The following COL19A1 variants were observed in gnomAD, a reference collection of about 807,000 sequenced individuals.
COL19A1 encodes collagen type XIX alpha 1 chain, also known as collagen alpha-1(XIX) chain.
A neutral mutation model predicts 190.2 loss-of-function variants in COL19A1; 159 were observed. That is an observed-to-expected ratio of 0.84 (90% CI 0.73 to 0.95). The LOEUF (loss-of-function observed/expected upper bound fraction) is 0.95, where lower values mean the gene tolerates loss of function less well. COL19A1 is among the 40% of genes least tolerant of loss of function. The pLI, the probability that COL19A1 is intolerant of heterozygous loss-of-function variation, is 0.00. For missense variants in COL19A1, 1,418 were observed against 1,431.9 expected (o/e 0.99, Z 0.16); for synonymous variants, 509 against 458.9 (o/e 1.11, Z -1.39).
chr6:70,160,169 G>A (rs1787705424), intron 34 of COL19A1, among the ~76,000 whole-genome samples: 1 of 151,974 alleles, frequency 6.6e-6, no homozygotes, highest in Non-Finnish European at 1.5e-5. Context: ...AGGTTTAATT[G>A]ACCCACAGCT....
intron 9 of COL19A1, among the ~76,000 whole-genome samples, chr6:69,957,404 A>G (rs1582520567): frequency 6.6e-6 from 1 of 152,156 alleles, no homozygotes; most frequent in Non-Finnish European, 1.5e-5. Flanking sequence ...AAGACATGCT[A>G]TGTGTTATAG....
At chr6:69,872,637 A>C (rs1343862772) in intron 1 of COL19A1, among the ~76,000 whole-genome samples, 2 of 152,240 alleles carry the variant, frequency 1.3e-5, no homozygotes, top group East Asian at 3.8e-4. Context: ...ACCCAAAATT[A>C]TTCCATATGG....
chr6:70,046,291 T>C (rs1779912078), intron 14 of COL19A1, among the ~76,000 whole-genome samples: 1 of 152,198 alleles, frequency 6.6e-6, no homozygotes, highest in South Asian at 2.1e-4. Context: ...CTCCCCTTGC[T>C]CTTCTTGCGT....
At chr6:69,979,139 A>G (rs1775895882) in intron 11 of COL19A1, among the ~76,000 whole-genome samples, 1 of 152,006 alleles carries the variant, frequency 6.6e-6, no homozygotes, top group African/African-American at 2.4e-5. Flanking sequence ...GCAGGGTTTT[A>G]TGTAGCCAGT....
chr6:69,967,613 T>G (rs556463957), intron 11 of COL19A1, among the ~76,000 whole-genome samples: 13 of 152,338 alleles, frequency 8.5e-5, no homozygotes, highest in African/African-American at 2.6e-4. Flanking sequence ...TTAAAACCAT[T>G]GTTGGAAAAC....
At chr6:70,199,960 T>C in intron 49 of COL19A1, 1 of 439,178 alleles carries the variant, frequency 2.3e-6, no homozygotes, top group South Asian at 2.3e-5. Flanking sequence ...TAAAACCAAA[T>C]GAGAGTTACC....
intron 15 of COL19A1, among the ~76,000 whole-genome samples, chr6:70,081,435 T>C (rs971083781): frequency 7.9e-5 from 12 of 152,172 alleles, no homozygotes; most frequent in Non-Finnish European, 1.2e-4. Flanking sequence ...TATAAAACTT[T>C]CTCAGATTTT....
chr6:70,178,072 A>C (rs1765926514), intron 42 of COL19A1, among the ~76,000 whole-genome samples: 1 of 152,250 alleles, frequency 6.6e-6, no homozygotes, highest in African/African-American at 2.4e-5. Flanking sequence ...CTAAAAAAGC[A>C]GTTTTCATAT....
chr6:70,080,859 C>T (rs1349923922), intron 15 of COL19A1, among the ~76,000 whole-genome samples: 1 of 152,140 alleles, frequency 6.6e-6, no homozygotes, highest in African/African-American at 2.4e-5. Flanking sequence ...TATGGTGATA[C>T]ATTTTTGTAT....
intron 15 of COL19A1, among the ~76,000 whole-genome samples, chr6:70,086,886 G>A (rs1374874448): frequency 6.6e-6 from 1 of 152,162 alleles, no homozygotes; most frequent in Non-Finnish European, 1.5e-5. Flanking sequence ...TATTTATTGA[G>A]CACCTATTGT....
chr6:70,089,501 A>T (rs1259137799), intron 15 of COL19A1, among the ~76,000 whole-genome samples: 2 of 152,200 alleles, frequency 1.3e-5, no homozygotes, highest in African/African-American at 4.8e-5. Context: ...TCTGTGGATG[A>T]GTTTAAACAT....
intron 11 of COL19A1, among the ~76,000 whole-genome samples, chr6:69,991,519 T>G (rs187004599): frequency 8.5e-5 from 13 of 152,256 alleles, no homozygotes; most frequent in African/African-American, 2.9e-4. Flanking sequence ...GTATAAACAT[T>G]TCCTTTTATC....
chr6:69,943,626 T>C (rs1373857166), intron 9 of COL19A1, among the ~76,000 whole-genome samples: 1 of 152,094 alleles, frequency 6.6e-6, no homozygotes, highest in Non-Finnish European at 1.5e-5. Context: ...TTGAATATAG[T>C]TTTTCCAACA....
intron 17 of COL19A1, among the ~76,000 whole-genome samples, chr6:70,124,893 C>T: frequency 6.6e-6 from 1 of 152,094 alleles, no homozygotes. Flanking sequence ...TAGTTAGAGC[C>T]CTTACACCAA....
chr6:69,973,265 C>T (rs953959108), intron 11 of COL19A1, among the ~76,000 whole-genome samples: 1 of 152,090 alleles, frequency 6.6e-6, no homozygotes, highest in African/African-American at 2.4e-5. Context: ...TTTGGTCTTC[C>T]CTTTCTCCTT....
At chr6:70,023,372 C>G (rs1778537490) in intron 11 of COL19A1, among the ~76,000 whole-genome samples, 1 of 152,008 alleles carries the variant, frequency 6.6e-6, no homozygotes, top group South Asian at 2.1e-4. Context: ...CTGACCTCAA[C>G]TGATCCACCG....
intron 11 of COL19A1, among the ~76,000 whole-genome samples, chr6:69,986,221 T>TTATATATATATATA (rs57648174): frequency 9.4e-5 from 13 of 138,288 alleles, no homozygotes; most frequent in African/African-American, 3.5e-4. Flanking sequence ...CTTACACGTT[T>TTATATATATATATA]TATATATATA....
intron 16 of COL19A1, among the ~76,000 whole-genome samples, chr6:70,118,140 A>G (rs1784684974): frequency 6.6e-6 from 1 of 152,204 alleles, no homozygotes; most frequent in Non-Finnish European, 1.5e-5. Context: ...AGTCTGCAGG[A>G]TAGACAACTC....
intron 34 of COL19A1, among the ~76,000 whole-genome samples, 163 bp from the exon 35 acceptor site, chr6:70,161,737 T>A (rs1254022409): frequency 6.6e-6 from 1 of 152,098 alleles, no homozygotes; most frequent in Admixed American, 6.6e-5. Flanking sequence ...ATTTTTGAAA[T>A]TAAAAAATTA....
Sources: allele counts gnomAD v4.1 joint callset (sites outside exome capture counted in the v4.1 genomes callset), GRCh38; gene constraint gnomAD v4.1.1; transcripts MANE v1.5; gene names NCBI Gene and HGNC (gene_info 2026-07-23, HGNC 2026-07-21).